Variants in MICAL2 observed in about 807,000 individuals in gnomAD.
MICAL2 encodes microtubule associated monooxygenase, calponin and LIM domain containing 2, also known as [F-actin]-monooxygenase MICAL2.
A neutral mutation model predicts 127.3 loss-of-function variants in MICAL2; 77 were observed. The observed-to-expected ratio is 0.60, with a 90% CI of 0.50 to 0.73. The LOEUF (loss-of-function observed/expected upper bound fraction) is 0.73, where lower values mean the gene tolerates loss of function less well. MICAL2 is among the 30% of genes least tolerant of loss of function. MICAL2 has a pLI of 0.00. For synonymous variants in MICAL2, 570 were observed against 551.1 expected, an observed-to-expected ratio of 1.03 and a Z score of -0.48; for missense variants, 1,351 against 1,434.4, an observed-to-expected ratio of 0.94 and a Z score of 0.94.
intron 3 of MICAL2, among the ~76,000 whole-genome samples, chr11:12,194,494 G>A (rs1308059962): frequency 6.6e-5 from 10 of 152,074 alleles, no homozygotes; most frequent in African/African-American, 2.4e-4. Context: ...CTCTATTTCC[G>A]GATGTTATAT....
downstream of MICAL2, among the ~76,000 whole-genome samples, chr11:12,289,655 G>C (rs919573222): frequency 7.0e-6 from 1 of 142,460 alleles, no homozygotes. Flanking sequence ...TGCAATCTCC[G>C]CCTCCCAGGT....
chr11:12,279,218 CT>C (rs1483755580), intron 1 of MICAL2, among the ~76,000 whole-genome samples: 23 of 152,144 alleles, frequency 1.5e-4, no homozygotes, highest in African/African-American at 5.6e-4. Context: ...TCAGAGGCTG[CT>C]GGAGAGCCCA....
chr11:12,211,376 A>G (rs1855440224), intron 6 of MICAL2, among the ~76,000 whole-genome samples: 1 of 152,198 alleles, frequency 6.6e-6, no homozygotes, highest in Non-Finnish European at 1.5e-5. Flanking sequence ...GCAAGACTCC[A>G]TCTCAGAAAA....
chr11:12,355,242 G>A (rs1939112368), intron 34 of MICAL2, among the ~76,000 whole-genome samples: 1 of 152,164 alleles, frequency 6.6e-6, no homozygotes, highest in East Asian at 1.9e-4. Flanking sequence ...CGTAATGCTA[G>A]TTCAGTGAGA....
At chr11:12,294,425 C>T, downstream of MICAL2, 3 of 1,614,200 alleles carry the variant, frequency 1.9e-6, no homozygotes, top group Non-Finnish European at 2.5e-6. Flanking sequence ...TGGGAGAAAC[C>T]AGTCCTCAGC....
At chr11:12,316,955 C>G (rs1464143730) in intron 29 of MICAL2, among the ~76,000 whole-genome samples, 3 of 152,134 alleles carry the variant, frequency 2.0e-5, no homozygotes, top group Non-Finnish European at 4.4e-5. Flanking sequence ...TTGTTCTACC[C>G]TGGCTAGGTA....
intron 17 of MICAL2, 74 bp downstream of exon 17, chr11:12,239,659 G>A: frequency 1.9e-6 from 3 of 1,542,066 alleles, no homozygotes; most frequent in South Asian, 2.5e-5. Flanking sequence ...GCTGCTGATA[G>A]ACTTCAGATA....
At chr11:12,294,581 C>G (rs1318992765), downstream of MICAL2, 1 of 1,614,174 alleles carries the variant, frequency 6.2e-7, no homozygotes, top group Admixed American at 1.7e-5. Flanking sequence ...AGAGAACTTC[C>G]CAGATGCTTC....
Position 12,240,997 on chromosome 11 carries a change from G to C in MICAL2, c.2215-43G>C, listed in dbSNP as rs1384481186. 4.4e-6 allele frequency: 7 copies of C among 1,605,472 alleles called. No homozygotes were observed. In the South Asian group the frequency reaches 7.8e-5, roughly 18 times the overall value. ...CAATCTGACTCACCTTTTCCTTCATGTCTCCTGTGGCTGCTTTTTTGGACT... is the reference window on the plus strand; with the variant it reads ...CAATCTGACTCACCTTTTCCTTCATCTCTCCTGTGGCTGCTTTTTTGGACT... On this transcript the variant is annotated intron_variant, in intron 17 of 27. Coordinates refer to ENST00000683283, the MANE Select transcript of MICAL2 (RefSeq NM_001282663.2).
At chr11:12,348,829 G>T (rs1009129257) in intron 32 of MICAL2, among the ~76,000 whole-genome samples, 10 of 152,136 alleles carry the variant, frequency 6.6e-5, no homozygotes, top group Non-Finnish European at 1.2e-4. Context: ...AGAAAAGTTT[G>T]TTATGAGGAT....
At chr11:12,245,935 TA>T (rs1392335982) in intron 21 of MICAL2, among the ~76,000 whole-genome samples, 1 of 152,184 alleles carries the variant, frequency 6.6e-6, no homozygotes, top group Non-Finnish European at 1.5e-5. Flanking sequence ...CTTGTGCCCA[TA>T]GTTGGTCAGC....
chr11:12,316,679 C>G (rs1054690142), intron 29 of MICAL2, among the ~76,000 whole-genome samples: 4 of 152,034 alleles, frequency 2.6e-5, no homozygotes, highest in African/African-American at 9.6e-5. Flanking sequence ...ACTTGTCCTG[C>G]TTTTTTACAT....
At chr11:12,330,700 C>T (rs1864405754) in intron 32 of MICAL2, among the ~76,000 whole-genome samples, 1 of 151,862 alleles carries the variant, frequency 6.6e-6, no homozygotes. Context: ...GGGTTTTTCC[C>T]CATTTTGTCA....
chr11:12,342,474 A>G (rs948576518), intron 32 of MICAL2, among the ~76,000 whole-genome samples: 3 of 152,258 alleles, frequency 2.0e-5, no homozygotes, highest in African/African-American at 4.8e-5. Context: ...TTAGCCATGT[A>G]TAGTCAAGGC....
In MICAL2 at chr11:12,259,891, C is replaced by G; in HGVS notation, c.3328C>G (p.Pro1110Ala). The change falls in exon 26 of 28, where the codon CCC (proline) becomes GCC (alanine). Residue 1110 changes from proline to alanine, a missense_variant. Coordinates refer to ENST00000683283, the MANE Select transcript of MICAL2 (RefSeq NM_001282663.2). ...VAAIGTLEGS[P>A]PVHFSLPVLH... Reference sequence around the variant, plus strand: ...CGCCATTGGCACCCTGGAAGGCAGCCCCCCAGGTATCTCCACCTCCTTCTT... The same window carrying G: ...CGCCATTGGCACCCTGGAAGGCAGCGCCCCAGGTATCTCCACCTCCTTCTT... The G allele has an allele frequency of 6.2e-7, 1 of 1,612,852 alleles. No individual in the cohort carries two copies. The highest frequency in any genetic ancestry group is 8.5e-7 in the Non-Finnish European group (1 of 1,179,236).
intron 32 of MICAL2, among the ~76,000 whole-genome samples, chr11:12,332,754 G>T (rs1938664675): frequency 6.6e-6 from 1 of 152,148 alleles, no homozygotes; most frequent in South Asian, 2.1e-4. Flanking sequence ...TTTATAGCAA[G>T]CAGTAAATGA....
intron 2 of MICAL2, among the ~76,000 whole-genome samples, chr11:12,285,345 TC>T (rs779859712): frequency 1.3e-5 from 2 of 152,216 alleles, no homozygotes; most frequent in African/African-American, 2.4e-5. Flanking sequence ...TCTTGCAACT[TC>T]CAGCTGCATG....
At chr11:12,275,607 G>C (rs1043950037), upstream of MICAL2, among the ~76,000 whole-genome samples, 2 of 152,216 alleles carry the variant, frequency 1.3e-5, no homozygotes, top group Non-Finnish European at 2.9e-5. Context: ...AATGCTGCTG[G>C]TGTGTAGAAT....
chr11:12,330,426 G>A (rs1864402199), intron 32 of MICAL2, among the ~76,000 whole-genome samples: 1 of 152,160 alleles, frequency 6.6e-6, no homozygotes, highest in Admixed American at 6.5e-5. Context: ...ACCAAATTTA[G>A]AGACAGACCT....
Sources: allele counts gnomAD v4.1 joint callset (sites outside exome capture counted in the v4.1 genomes callset), GRCh38; gene constraint gnomAD v4.1.1; transcripts MANE v1.5; gene names NCBI Gene and HGNC (gene_info 2026-07-23, HGNC 2026-07-21).